GLRA3: variants seen among roughly 807,000 people sequenced by gnomAD.
GLRA3 encodes glycine receptor alpha 3.
GLRA3 carries 44 observed loss-of-function variants against 60.4 expected under a neutral mutation model. The ratio of observed to expected loss-of-function variants is 0.73; its 90% CI spans 0.57 to 0.94. The LOEUF (loss-of-function observed/expected upper bound fraction) is 0.94, where lower values mean the gene tolerates loss of function less well. Among genes scored for constraint, GLRA3 ranks in the 40% least tolerant of loss-of-function variants. The pLI is 0.00. For missense variants in GLRA3, 508 were observed against 564.6 expected (o/e 0.90, Z 1.02); for synonymous variants, 223 against 192.9 (o/e 1.16, Z -1.29).
At chr4:174,659,561 A>G (rs1733355181) in intron 7 of GLRA3, among the ~76,000 whole-genome samples, 2 of 152,274 alleles carry the variant, frequency 1.3e-5, no homozygotes, top group African/African-American at 4.8e-5. Context: ...AAAAATTAAA[A>G]TTGTATTTAT....
intron 1 of GLRA3, among the ~76,000 whole-genome samples, chr4:174,819,327 T>C (rs1230129933): frequency 3.3e-5 from 5 of 152,176 alleles, no homozygotes; most frequent in African/African-American, 9.7e-5. Flanking sequence ...CATACAGATT[T>C]TCCCCAGCAG....
intron 9 of GLRA3, among the ~76,000 whole-genome samples, chr4:174,645,098 A>T (rs1732763423): frequency 6.6e-6 from 1 of 152,082 alleles, no homozygotes; most frequent in Non-Finnish European, 1.5e-5. Context: ...AATATAAAAG[A>T]TCAAATAATT....
At chr4:174,670,202 C>T (rs1041176878) in intron 7 of GLRA3, among the ~76,000 whole-genome samples, 1 of 151,912 alleles carries the variant, frequency 6.6e-6, no homozygotes, top group African/African-American at 2.4e-5. Flanking sequence ...TTTTTTTGAT[C>T]TACTCAGGCT....
intron 1 of GLRA3, among the ~76,000 whole-genome samples, chr4:174,790,837 AAAAAAAAAAGAAAG>A (rs1314023659): frequency 4.1e-5 from 6 of 147,896 alleles, no homozygotes; most frequent in African/African-American, 1.3e-4. Context: ...AAAAAAAAAA[AAAAAAAAAAGAAAG>A]AAATTAGCCG....
At chr4:174,791,487 T>C (rs1015913794) in intron 1 of GLRA3, among the ~76,000 whole-genome samples, 5 of 152,242 alleles carry the variant, frequency 3.3e-5, no homozygotes, top group African/African-American at 4.8e-5. Flanking sequence ...CAACCTTCTA[T>C]TGAATTTTTC....
In GLRA3 at chr4:174,776,120, A is replaced by G. The variant is rs115623566; in HGVS notation, c.200-9090T>C. On this transcript the variant is annotated intron_variant, in intron 2 of 9. Transcript: ENST00000274093. ...CAACGGTTGCCTGGTATTTAGCCCTATGGAATTTTTGAGGAAATGGAAATA... is the reference window on the plus strand; with the variant it reads ...CAACGGTTGCCTGGTATTTAGCCCTGTGGAATTTTTGAGGAAATGGAAATA... Among the ~76,000 whole-genome samples the G allele has an allele frequency of 6.8e-3, 1,039 of 152,210 alleles. 20 individuals are homozygous for G. The highest frequency in any genetic ancestry group is 0.024 in the African/African-American group (987 of 41,534).
intron 9 of GLRA3, among the ~76,000 whole-genome samples, chr4:174,649,283 G>T (rs1443115695): frequency 6.6e-6 from 1 of 152,120 alleles, no homozygotes; most frequent in African/African-American, 2.4e-5. Context: ...GAGCAGGGAA[G>T]GAGGCAAAGG....
At chr4:174,770,015 T>A (rs966162064) in intron 2 of GLRA3, among the ~76,000 whole-genome samples, 17 of 152,166 alleles carry the variant, frequency 1.1e-4, no homozygotes, top group Admixed American at 3.9e-4. Flanking sequence ...CAATATTTTT[T>A]AAAAACTATT....
intron 4 of GLRA3, among the ~76,000 whole-genome samples, chr4:174,726,620 G>A (rs140869696): frequency 0.015 from 2,274 of 152,258 alleles, 24 homozygotes; most frequent in Non-Finnish European, 0.023. Context: ...TAGGATGTAC[G>A]AAGCAAAAGG....
intron 4 of GLRA3, among the ~76,000 whole-genome samples, chr4:174,720,205 G>C (rs1736080677): frequency 6.6e-6 from 1 of 152,076 alleles, no homozygotes; most frequent in South Asian, 2.1e-4. Context: ...CCTATGATGG[G>C]ATTCCATTAT....
At chr4:174,704,832 C>T (rs1735458545) in intron 5 of GLRA3, among the ~76,000 whole-genome samples, 1 of 142,984 alleles carries the variant, frequency 7.0e-6, no homozygotes, top group Non-Finnish European at 1.5e-5. Context: ...TGAAATAAGC[C>T]AGTCACACAA....
At chr4:174,673,929 T>C (rs1734005232) in intron 7 of GLRA3, among the ~76,000 whole-genome samples, 1 of 152,292 alleles carries the variant, frequency 6.6e-6, no homozygotes, top group African/African-American at 2.4e-5. Flanking sequence ...TTTCCCTGAA[T>C]TTTCCATGTT....
At chr4:174,780,052 G>A (rs1440024909) in intron 2 of GLRA3, among the ~76,000 whole-genome samples, 13 of 145,956 alleles carry the variant, frequency 8.9e-5, no homozygotes, top group African/African-American at 3.0e-4. Context: ...AATGTTAAGG[G>A]CAGCCAGAGA....
At chr4:174,697,105 C>G (rs1271510115) in intron 5 of GLRA3, among the ~76,000 whole-genome samples, 1 of 152,056 alleles carries the variant, frequency 6.6e-6, no homozygotes, top group Non-Finnish European at 1.5e-5. Flanking sequence ...TTATATAAAA[C>G]TTTACACAAC....
chr4:174,658,454 G>C (rs768534231), intron 8 of GLRA3, among the ~76,000 whole-genome samples: 12 of 152,060 alleles, frequency 7.9e-5, no homozygotes, highest in Non-Finnish European at 1.8e-4. Flanking sequence ...ACTTCCTACG[G>C]TGTCTTCATG....
intron 1 of GLRA3, among the ~76,000 whole-genome samples, chr4:174,822,135 T>C (rs1032204089): frequency 6.6e-6 from 1 of 152,200 alleles, no homozygotes; most frequent in Admixed American, 6.5e-5. Context: ...GGTTCTCCTC[T>C]CCACAGTGAT....
Position 174,643,359 on chromosome 4 carries a change from A to G in GLRA3, c.*427T>C, listed in dbSNP as rs893879064. On this transcript the variant is annotated 3_prime_UTR_variant, in exon 10 of 10. Transcript: ENST00000274093. ...TATTTTCCCATTTTGTAACTATACT[A>G]TAAGAAAATAGTTTTAAATCTCAAA... The G allele has an allele frequency of 4.1e-5, 15 of 367,996 alleles. No homozygotes were observed. In the African/African-American group the frequency reaches 2.4e-3, roughly 59 times the overall value. 22.8% of individuals were successfully genotyped at this position (367,996 alleles called of 1,614,324 possible).
intron 3 of GLRA3, among the ~76,000 whole-genome samples, chr4:174,758,786 A>C (rs1163120189): frequency 6.6e-6 from 1 of 152,116 alleles, no homozygotes; most frequent in Non-Finnish European, 1.5e-5. Context: ...AACTATTCTA[A>C]AATAAAAAGG....
chr4:174,685,441 G>C (rs911753093), intron 5 of GLRA3, among the ~76,000 whole-genome samples: 3 of 152,158 alleles, frequency 2.0e-5, no homozygotes, highest in Non-Finnish European at 2.9e-5. Context: ...AGTATCATCA[G>C]TGTGACGGCT....
Sources: allele counts gnomAD v4.1 joint callset (sites outside exome capture counted in the v4.1 genomes callset), GRCh38; gene constraint gnomAD v4.1.1; transcripts MANE v1.5; gene names NCBI Gene and HGNC (gene_info 2026-07-23, HGNC 2026-07-21).